GRM1: variants seen among roughly 807,000 people sequenced by gnomAD.
GRM1 encodes the protein glutamate metabotropic receptor 1, also known as metabotropic glutamate receptor 1.
In GRM1, 33 loss-of-function variants were observed where a neutral mutation model predicts 90.9. The observed-to-expected ratio is 0.36, with a 90% CI of 0.28 to 0.49. The LOEUF (loss-of-function observed/expected upper bound fraction) is 0.49. Ranked by LOEUF, GRM1 falls within the 20% of genes least tolerant of loss-of-function variation. The pLI is 0.99. For missense variants in GRM1, 1,190 were observed against 1,534.3 expected (o/e 0.78, Z 3.75); for synonymous variants, 700 against 613.2 (o/e 1.14, Z -2.09).
intron 5 of GRM1, among the ~76,000 whole-genome samples, chr6:146,370,862 T>A (rs980528503): frequency 6.6e-6 from 1 of 152,092 alleles, no homozygotes; most frequent in African/African-American, 2.4e-5. Flanking sequence ...TAATTCTATA[T>A]AGAGTGCCTA....
At chr6:146,408,243 A>G (rs1777424555) in intron 7 of GRM1, among the ~76,000 whole-genome samples, 1 of 152,174 alleles carries the variant, frequency 6.6e-6, no homozygotes, top group Non-Finnish European at 1.5e-5. Context: ...ATTATCTTCC[A>G]AAGGCCCTAC....
intron 2 of GRM1, among the ~76,000 whole-genome samples, chr6:146,244,802 T>A (rs1347283472): frequency 6.6e-6 from 1 of 152,226 alleles, no homozygotes; most frequent in African/African-American, 2.4e-5. Flanking sequence ...CAAGCTCTCA[T>A]TTATTTACTC....
At chr6:146,305,743 C>T (rs112211259) in intron 3 of GRM1, among the ~76,000 whole-genome samples, 24 of 152,192 alleles carry the variant, frequency 1.6e-4, no homozygotes, top group East Asian at 3.9e-4. Flanking sequence ...ATGTAGGCTA[C>T]GCAGATATTA....
intron 2 of GRM1, among the ~76,000 whole-genome samples, chr6:146,231,051 A>C (rs1341603641): frequency 6.6e-6 from 1 of 152,164 alleles, no homozygotes; most frequent in African/African-American, 2.4e-5. Flanking sequence ...TAGGGCAGTG[A>C]AACTATTCTG....
Position 146,435,070 on chromosome 6 carries a change from T to C in GRM1, c.*274T>C, listed in dbSNP as rs1778554789. ...GGAATTCTGACAAAGCACAATTCCA[T>C]ATGGTATGTAACTTTTATCACAAAT... is the stretch of plus-strand genomic sequence containing the variant. On this transcript the variant is annotated 3_prime_UTR_variant, in exon 8 of 8. Coordinates refer to ENST00000282753, the MANE Select transcript of GRM1 (RefSeq NM_001278064.2). 1.8e-6 allele frequency: 1 copy of C among 567,776 alleles called. No individual in the cohort carries two copies. The highest frequency in any genetic ancestry group is 3.2e-6 in the Non-Finnish European group (1 of 316,948). 35.2% of individuals were successfully genotyped at this position (567,776 alleles called of 1,614,324 possible). A position where few individuals can be genotyped will look rare whatever the true frequency, so the allele number is the denominator to read the frequency against.
chr6:146,081,776 C>T (rs1220371453), intron 1 of GRM1, among the ~76,000 whole-genome samples: 2 of 152,110 alleles, frequency 1.3e-5, no homozygotes, highest in African/African-American at 4.8e-5. Context: ...GATTTTCCTT[C>T]AAGATGTCTT....
intron 3 of GRM1, among the ~76,000 whole-genome samples, chr6:146,333,332 G>T (rs2114998730): frequency 6.6e-6 from 1 of 152,210 alleles, no homozygotes; most frequent in African/African-American, 2.4e-5. Flanking sequence ...AGAGACAAAA[G>T]CCTACATCCT....
Position 146,323,863 on chromosome 6 carries a change from G to A in GRM1, c.1186+19017G>A, listed in dbSNP as rs542729681. On this transcript the variant is annotated intron_variant, in intron 3 of 7. Transcript: ENST00000282753. Reference sequence around the variant, plus strand: ...TTAAATAGGGAATCCTTTCCCCATTGCTTGTTTTTCTCAGGTTTGTCAAAG... The same window carrying A: ...TTAAATAGGGAATCCTTTCCCCATTACTTGTTTTTCTCAGGTTTGTCAAAG... Among the ~76,000 whole-genome samples, 3 of 152,134 alleles carry A rather than the reference G, an allele frequency of 2.0e-5. No individual in the cohort carries two copies. In the East Asian group the frequency reaches 5.8e-4, roughly 29 times the overall value.
chr6:146,037,304 A>G (rs1316695533), intron 1 of GRM1, among the ~76,000 whole-genome samples: 1 of 152,006 alleles, frequency 6.6e-6, no homozygotes, highest in Non-Finnish European at 1.5e-5. Flanking sequence ...GAAATTCATG[A>G]TTAAGATAAA....
chr6:146,381,506 A>T (rs538979262), intron 5 of GRM1, among the ~76,000 whole-genome samples: 7 of 152,302 alleles, frequency 4.6e-5, no homozygotes, highest in Non-Finnish European at 7.4e-5. Context: ...GGGTGGAGAA[A>T]GGGTGGCATC....
intron 7 of GRM1, among the ~76,000 whole-genome samples, chr6:146,426,182 G>T (rs1456218013): frequency 2.6e-5 from 3 of 115,446 alleles, no homozygotes; most frequent in Non-Finnish European, 5.8e-5. Flanking sequence ...ATAAACTCAT[G>T]CACTTCCTTT....
chr6:146,309,893 C>T lies in GRM1; in HGVS notation c.1186+5047C>T, dbSNP rs141513628. Among the ~76,000 whole-genome samples, 191 of 152,220 alleles carry T rather than the reference C, an allele frequency of 1.3e-3. 2 individuals are homozygous for T. The highest frequency in any genetic ancestry group is 3.9e-3 in the African/African-American group (163 of 41,540). Reference sequence around the variant, plus strand: ...ATATTTGCATACTTAATATTTGCTCCGGCTAGCAGTATATTAACTGTATGA... The same window carrying T: ...ATATTTGCATACTTAATATTTGCTCTGGCTAGCAGTATATTAACTGTATGA... On this transcript the variant is annotated intron_variant, in intron 3 of 7. Transcript: ENST00000282753.
At chr6:146,075,679 T>C (rs1381744885) in intron 1 of GRM1, among the ~76,000 whole-genome samples, 1 of 152,174 alleles carries the variant, frequency 6.6e-6, no homozygotes, top group Non-Finnish European at 1.5e-5. Flanking sequence ...GCTAGAAGTC[T>C]GAAATAAAGG....
chr6:146,247,457 A>G (rs566855059), intron 2 of GRM1, among the ~76,000 whole-genome samples: 1 of 152,104 alleles, frequency 6.6e-6, no homozygotes, highest in Non-Finnish European at 1.5e-5. Flanking sequence ...AGTTTAAGAG[A>G]TGTACATATG....
At chr6:146,391,174 C>T (rs1366359620) in intron 6 of GRM1, among the ~76,000 whole-genome samples, 3 of 152,030 alleles carry the variant, frequency 2.0e-5, no homozygotes. Context: ...TTTCATCCTC[C>T]TCCAATACAT....
chr6:146,201,818 G>A (rs4895691), intron 2 of GRM1, among the ~76,000 whole-genome samples: 14,260 of 152,196 alleles, frequency 0.094, 1,774 homozygotes, highest in African/African-American at 0.28. Flanking sequence ...AAATCACATA[G>A]CTAGTAAGTG....
intron 2 of GRM1, among the ~76,000 whole-genome samples, chr6:146,206,773 A>T (rs1779509347): frequency 6.6e-6 from 1 of 152,052 alleles, no homozygotes; most frequent in Non-Finnish European, 1.5e-5. Context: ...TTGGGTACCC[A>T]GTTATCTTTT....
At chr6:146,411,786 CAG>C (rs1473727596) in intron 7 of GRM1, among the ~76,000 whole-genome samples, 2 of 152,158 alleles carry the variant, frequency 1.3e-5, no homozygotes, top group Admixed American at 6.5e-5. Flanking sequence ...ACAGAGCCAA[CAG>C]AGACATGCCT....
chr6:146,245,302 C>G (rs1781017120), intron 2 of GRM1, among the ~76,000 whole-genome samples: 1 of 152,158 alleles, frequency 6.6e-6, no homozygotes, highest in Non-Finnish European at 1.5e-5. Flanking sequence ...AAAATCATTT[C>G]TACTTCTTTT....
Sources: gnomAD v4.1 joint callset for allele counts (sites outside exome capture counted in the v4.1 genomes callset) on GRCh38, gnomAD v4.1.1 for gene constraint, MANE v1.5 for transcripts, NCBI Gene and HGNC (gene_info 2026-07-23, HGNC 2026-07-21) for gene names.